Variants in TOX3 observed in about 807,000 individuals in gnomAD.
TOX3 encodes CAG trinucleotide repeat-containing gene F9 protein.
TOX3 carries 22 observed loss-of-function variants against 64.3 expected under a neutral mutation model. The ratio of observed to expected loss-of-function variants is 0.34; its 90% CI spans 0.24 to 0.49. The LOEUF (loss-of-function observed/expected upper bound fraction) is 0.49. Ranked by LOEUF, TOX3 falls within the 20% of genes least tolerant of loss-of-function variation. TOX3 has a pLI of 0.99. For synonymous variants in TOX3, 291 were observed against 273.6 expected, an observed-to-expected ratio of 1.06 and a Z score of -0.63; for missense variants, 661 against 714.4, an observed-to-expected ratio of 0.93 and a Z score of 0.85.
intron 1 of TOX3, among the ~76,000 whole-genome samples, chr16:52,502,497 G>A (rs571025099): frequency 3.9e-5 from 6 of 152,152 alleles, no homozygotes; most frequent in Admixed American, 1.3e-4. Flanking sequence ...TAATTCAATA[G>A]CAAAAAAGGA....
intron 1 of TOX3, among the ~76,000 whole-genome samples, chr16:52,506,933 G>T (rs1962176796): frequency 6.6e-6 from 1 of 152,152 alleles, no homozygotes; most frequent in South Asian, 2.1e-4. Flanking sequence ...GATTTAAGTA[G>T]CTGGAAACCC....
intron 1 of TOX3, among the ~76,000 whole-genome samples, chr16:52,478,400 TC>T (rs1223101001): frequency 2.0e-5 from 3 of 152,212 alleles, no homozygotes; most frequent in Non-Finnish European, 4.4e-5. Context: ...CAATGTTCAC[TC>T]CTCAGGGAGT....
chr16:52,448,299 C>A (rs546136865), intron 4 of TOX3, among the ~76,000 whole-genome samples: 6 of 152,162 alleles, frequency 3.9e-5, no homozygotes, highest in East Asian at 1.9e-4. Context: ...CCTAGACCCT[C>A]GCTTAAAATG....
At chr16:52,444,203 T>C in intron 6 of TOX3, 73 bp downstream of exon 6, 1 of 1,167,880 alleles carries the variant, frequency 8.6e-7, no homozygotes, top group Non-Finnish European at 1.2e-6. Flanking sequence ...GCTACAAGTA[T>C]GTTTTCAATG....
chr16:52,485,252 A>G (rs964450247), intron 1 of TOX3, among the ~76,000 whole-genome samples: 62 of 88,184 alleles, frequency 7.0e-4, no homozygotes, highest in African/African-American at 1.6e-3. Context: ...GTGTGTATAT[A>G]TATATATATA....
At chr16:52,477,899 G>T (rs1961261700) in intron 1 of TOX3, among the ~76,000 whole-genome samples, 1 of 152,054 alleles carries the variant, frequency 6.6e-6, no homozygotes, top group South Asian at 2.1e-4. Flanking sequence ...GTGCAATGGT[G>T]CTACCATAGC....
At chr16:52,524,619 A>G (rs1354078029) in intron 1 of TOX3, among the ~76,000 whole-genome samples, 1 of 152,156 alleles carries the variant, frequency 6.6e-6, no homozygotes, top group Admixed American at 6.5e-5. Context: ...CACTCTTGTT[A>G]CAAGAACACG....
chr16:52,515,011 CAAAAAAAAAAAAAAA>C (rs56746564), intron 1 of TOX3, among the ~76,000 whole-genome samples: 1 of 15,832 alleles, frequency 6.3e-5, no homozygotes, highest in Non-Finnish European at 1.3e-4. Flanking sequence ...GACTCCATCT[CAAAAAAAAAAAAAAA>C]AAAAAAAAAA....
At chr16:52,465,292 G>A (rs1017560380) in intron 2 of TOX3, among the ~76,000 whole-genome samples, 2 of 151,700 alleles carry the variant, frequency 1.3e-5, no homozygotes, top group Non-Finnish European at 2.9e-5. Flanking sequence ...GGGATTACAG[G>A]AGTGAGCCAC....
chr16:52,498,822 G>A (rs1230958735), intron 1 of TOX3, among the ~76,000 whole-genome samples: 4 of 152,202 alleles, frequency 2.6e-5, no homozygotes, highest in African/African-American at 4.8e-5. Context: ...CCGAGTGTGC[G>A]AACAAGCACA....
chr16:52,481,072 T>C (rs949320435), intron 1 of TOX3, among the ~76,000 whole-genome samples: 7 of 152,228 alleles, frequency 4.6e-5, no homozygotes, highest in Non-Finnish European at 1.0e-4. Context: ...GAAACTCTGA[T>C]ATAGATCAAT....
At position 52,438,911 on chromosome 16, in the gene TOX3, C is replaced by T. The variant is rs144919658; in HGVS notation, c.*314G>A. On this transcript the variant is annotated 3_prime_UTR_variant, in exon 7 of 7. Transcript: ENST00000219746. ...TGACTCAGAGAGGCCAGTTTATAGT[C>T]ATCAGTATGTCCCAGGATTCATTAA... is the stretch of plus-strand genomic sequence containing the variant. 4,518 of 546,252 alleles carry T rather than the reference C, an allele frequency of 8.3e-3. 157 individuals carry two copies. The highest frequency in any genetic ancestry group is 0.066 in the Admixed American group (3,469 of 52,166). 33.8% of individuals were successfully genotyped at this position (546,252 alleles called of 1,614,324 possible). A position where few individuals can be genotyped will look rare whatever the true frequency, so the allele number is the denominator to read the frequency against.
intron 1 of TOX3, among the ~76,000 whole-genome samples, chr16:52,542,377 G>C (rs1326540888): frequency 6.6e-6 from 1 of 152,144 alleles, no homozygotes; most frequent in Non-Finnish European, 1.5e-5. Context: ...AGAAGTACAA[G>C]AATCAGCACA....
At chr16:52,439,996 C>T (rs1054027318) in intron 6 of TOX3, 28 bp from the exon 7 acceptor site, 2 of 1,492,988 alleles carry the variant, frequency 1.3e-6, no homozygotes, top group African/African-American at 2.8e-5. Flanking sequence ...AAATTCCAGA[C>T]TGTTACAACA....
chr16:52,519,066 G>A (rs1474094666), intron 1 of TOX3, among the ~76,000 whole-genome samples: 2 of 152,186 alleles, frequency 1.3e-5, no homozygotes, highest in African/African-American at 4.8e-5. Context: ...CGACTCACAA[G>A]ACAACTATTG....
chr16:52,464,968 T>C (rs893925599), intron 2 of TOX3, among the ~76,000 whole-genome samples: 4 of 150,680 alleles, frequency 2.7e-5, no homozygotes, highest in Admixed American at 1.3e-4. Flanking sequence ...CTTAGAGAAG[T>C]ATTATATCTC....
intron 3 of TOX3, among the ~76,000 whole-genome samples, chr16:52,461,603 G>A (rs1960691554): frequency 6.6e-6 from 1 of 152,074 alleles, no homozygotes; most frequent in Non-Finnish European, 1.5e-5. Context: ...CAACAAGCTG[G>A]CTTTTCTTCT....
At chr16:52,498,590 G>T (rs2077653) in intron 1 of TOX3, among the ~76,000 whole-genome samples, 22,199 of 151,506 alleles carry the variant, frequency 0.15, 1,661 homozygotes, top group Middle Eastern at 0.21. Context: ...TGTGGGGTTG[G>T]GGGGGGGAGG....
intron 3 of TOX3, among the ~76,000 whole-genome samples, chr16:52,463,332 A>C (rs767739603): frequency 6.6e-6 from 1 of 152,254 alleles, no homozygotes; most frequent in Non-Finnish European, 1.5e-5. Flanking sequence ...TAAGAAAAAT[A>C]GAACCAAAAT....
Sources: gnomAD v4.1 joint callset for allele counts (sites outside exome capture counted in the v4.1 genomes callset) on GRCh38, gnomAD v4.1.1 for gene constraint, MANE v1.5 for transcripts, NCBI Gene and HGNC (gene_info 2026-07-23, HGNC 2026-07-21) for gene names.